Variants in SHOC1 observed in about 807,000 individuals in gnomAD.
SHOC1 encodes protein shortage in chiasmata 1 ortholog.
A neutral mutation model predicts 179.2 loss-of-function variants in SHOC1; 136 were observed. That is an observed-to-expected ratio of 0.76 (90% CI 0.66 to 0.87). The LOEUF (loss-of-function observed/expected upper bound fraction) is 0.87. SHOC1 is among the 40% of genes least tolerant of loss of function. The pLI, the probability that SHOC1 is intolerant of heterozygous loss-of-function variation, is 0.00. For missense variants in SHOC1, 1,538 were observed against 1,700.8 expected, an observed-to-expected ratio of 0.90 and a Z score of 1.68; for synonymous variants, 489 against 586.6, an observed-to-expected ratio of 0.83 and a Z score of 2.41.
chr9:111,718,654 C>A (rs573217050), intron 15 of SHOC1, among the ~76,000 whole-genome samples: 2 of 152,236 alleles, frequency 1.3e-5, no homozygotes, highest in South Asian at 4.1e-4. Context: ...CAACGCTTCC[C>A]AGTTATGAAA....
At chr9:111,787,117 A>G (rs1283809965) in intron 2 of SHOC1, among the ~76,000 whole-genome samples, 1 of 152,258 alleles carries the variant, frequency 6.6e-6, no homozygotes, top group Non-Finnish European at 1.5e-5. Context: ...TAAAAATATT[A>G]CCGCTTGTTG....
intron 21 of SHOC1, among the ~76,000 whole-genome samples, chr9:111,704,788 T>G (rs2131352923): frequency 6.6e-6 from 1 of 152,262 alleles, no homozygotes; most frequent in East Asian, 1.9e-4. Flanking sequence ...CCTTGAGAAT[T>G]CATTTAGAAC....
At position 111,758,816 on chromosome 9, in the gene SHOC1, C is replaced by T. The variant is rs774472216; in HGVS notation, c.475G>A (p.Val159Ile). The T allele has an allele frequency of 1.3e-6, 2 of 1,559,192 alleles. No individual in the cohort carries two copies. The highest frequency in any genetic ancestry group is 1.2e-5 in the South Asian group (1 of 85,160). ...GTTGGTAGGTGTTTTCTACTACTTA[C>T]AAAAAGTATTCCTTTATCATCAATA... is the stretch of plus-strand genomic sequence containing the variant. ...LFIDDKGILF[V>I]SSRKHLPTLP... Residue 159 changes from valine to isoleucine, a missense_variant, in exon 6 of 28, where the codon GTA becomes ATA. Coordinates refer to ENST00000682961, the MANE Select transcript of SHOC1 (RefSeq NM_001378211.1).
chr9:111,716,188 T>A (rs1424412443), intron 16 of SHOC1, among the ~76,000 whole-genome samples: 2 of 152,138 alleles, frequency 1.3e-5, no homozygotes, highest in Non-Finnish European at 1.5e-5. Flanking sequence ...TTTTATGGTA[T>A]TCCTTAAGGT....
In SHOC1 at chr9:111,746,305, T is replaced by A. The variant is rs758446528; in HGVS notation, c.1008A>T (p.Thr336=). 2 of 1,612,008 alleles carry A rather than the reference T, an allele frequency of 1.2e-6. No individual in the cohort carries two copies. Among genetic ancestry groups the A allele is most frequent in the Non-Finnish European group, 1.7e-6 (2 of 1,178,264 alleles). Residue 336 remains threonine (T), a synonymous_variant, in exon 10 of 28, where the codon ACA becomes ACT. Transcript: ENST00000682961. ...ATGAATTCACTGAAGAATGTTGGCA[T>A]GTTAGGAATAGAGGAGTTAGTGGCA... ...LEMPLTPLFL[T]CQHSSVNSLR... is the part of the protein sequence containing the mutation.
chr9:111,731,940 C>T (rs941220518), intron 12 of SHOC1, among the ~76,000 whole-genome samples: 1 of 151,774 alleles, frequency 6.6e-6, no homozygotes, highest in Non-Finnish European at 1.5e-5. Flanking sequence ...GTAAAAGACA[C>T]AATTATCTGT....
intron 8 of SHOC1, among the ~76,000 whole-genome samples, chr9:111,751,479 T>C (rs1287161073): frequency 1.3e-5 from 2 of 152,216 alleles, no homozygotes; most frequent in African/African-American, 2.4e-5. Context: ...TGTAAATCAA[T>C]GCATTATCAT....
intron 4 of SHOC1, among the ~76,000 whole-genome samples, chr9:111,777,813 A>G (rs1471987698): frequency 6.6e-6 from 1 of 152,234 alleles, no homozygotes; most frequent in Non-Finnish European, 1.5e-5. Flanking sequence ...ACTCTCCAAT[A>G]TAATTGGAGA....
At chr9:111,793,592 A>G (rs1417204458) in intron 1 of SHOC1, among the ~76,000 whole-genome samples, 2 of 152,200 alleles carry the variant, frequency 1.3e-5, no homozygotes, top group African/African-American at 2.4e-5. Flanking sequence ...TTATTTCTAA[A>G]ACCAAAGATA....
intron 5 of SHOC1, among the ~76,000 whole-genome samples, chr9:111,766,033 C>CT (rs1324782952): frequency 4.6e-5 from 7 of 152,050 alleles, no homozygotes; most frequent in Non-Finnish European, 7.4e-5. Context: ...ACATTATGTT[C>CT]TTTTTTCCCC....
intron 9 of SHOC1, among the ~76,000 whole-genome samples, chr9:111,747,739 C>T (rs1186707554): frequency 6.6e-6 from 1 of 152,084 alleles, no homozygotes; most frequent in African/African-American, 2.4e-5. Flanking sequence ...TGTCACCATG[C>T]CTGCCTGGCT....
chr9:111,732,629 C>T (rs1001550766), intron 12 of SHOC1, among the ~76,000 whole-genome samples: 1 of 152,058 alleles, frequency 6.6e-6, no homozygotes, highest in African/African-American at 2.4e-5. Flanking sequence ...AAACATTATG[C>T]TCAGTGGAAG....
At chr9:111,781,521 G>C (rs1253687023) in intron 3 of SHOC1, among the ~76,000 whole-genome samples, 1 of 152,092 alleles carries the variant, frequency 6.6e-6, no homozygotes, top group Non-Finnish European at 1.5e-5. Context: ...CCAGGAGTTC[G>C]AGACCAGCCT....
At position 111,707,864 on chromosome 9, in the gene SHOC1, A is replaced by T; in HGVS notation, c.2549T>A (p.Val850Asp). 6.3e-7 allele frequency: 1 copy of T among 1,584,418 alleles called. No individual in the cohort carries two copies. Among genetic ancestry groups the T allele is most frequent in the Non-Finnish European group, 8.6e-7 (1 of 1,165,230 alleles). The change falls in exon 19 of 28, where the codon GTT becomes GAT. Residue 850 changes from valine to aspartate, a missense_variant. Physicochemically the swap from Val to Asp is radical, Grantham distance 152. Transcript: ENST00000682961. ...AGGAATGAATTTTTACCCCCTTAAA[A>T]CACCTTCAGATTCCAGAAAATCTTT... The part of the protein sequence containing the change: ...ERKDFLESEG[V>D]LRGTSSCVVV...
chr9:111,791,639 G>C (rs1358749609), intron 1 of SHOC1, among the ~76,000 whole-genome samples, 185 bp from the exon 2 acceptor site: 1 of 152,042 alleles, frequency 6.6e-6, no homozygotes, highest in East Asian at 1.9e-4. Context: ...ATAGAAAATT[G>C]AATAATTTCT....
intron 5 of SHOC1, among the ~76,000 whole-genome samples, chr9:111,765,982 A>G (rs764706507): frequency 4.6e-5 from 7 of 152,034 alleles, no homozygotes; most frequent in Admixed American, 2.6e-4. Context: ...TGCCTAGTCC[A>G]TCTTTACTAT....
chr9:111,717,664 C>T (rs1459940611), intron 16 of SHOC1, among the ~76,000 whole-genome samples: 1 of 149,978 alleles, frequency 6.7e-6, no homozygotes, highest in Non-Finnish European at 1.5e-5. Context: ...GTAAGACAGA[C>T]ATTTTAATTT....
intron 8 of SHOC1, among the ~76,000 whole-genome samples, chr9:111,748,995 T>TG (rs1834438671): frequency 1.1e-5 from 1 of 88,984 alleles, no homozygotes; most frequent in Non-Finnish European, 2.3e-5. Context: ...CCTCCCTCCC[T>TG]CCTTTCCTGC....
intron 11 of SHOC1, 42 bp from the exon 12 acceptor site, chr9:111,738,564 A>G: frequency 6.9e-7 from 1 of 1,459,520 alleles, no homozygotes; most frequent in Non-Finnish European, 9.0e-7. Flanking sequence ...AACAGTCTAC[A>G]AAGCAAAAGA....
Sources: allele counts gnomAD v4.1 joint callset (sites outside exome capture counted in the v4.1 genomes callset), GRCh38; gene constraint gnomAD v4.1.1; transcripts MANE v1.5; gene names NCBI Gene and HGNC (gene_info 2026-07-23, HGNC 2026-07-21).